CFAP221: variants seen among roughly 807,000 people sequenced by gnomAD.
The protein encoded by CFAP221 is cilia- and flagella-associated protein 221.
Under a neutral mutation model 113.1 loss-of-function variants are expected in CFAP221, and 97 were observed. That is an observed-to-expected ratio of 0.86 (90% CI 0.73 to 1.02). The LOEUF (loss-of-function observed/expected upper bound fraction) is 1.02. Among genes scored for constraint, CFAP221 ranks in the 50% least tolerant of loss-of-function variants. The pLI is 0.00. For missense variants in CFAP221, 1,025 were observed against 1,013.4 expected, an observed-to-expected ratio of 1.01 and a Z score of -0.16; for synonymous variants, 331 against 354.4, an observed-to-expected ratio of 0.93 and a Z score of 0.74.
chr2:119,586,495 G>A (rs994213625), intron 6 of CFAP221, among the ~76,000 whole-genome samples: 4 of 152,234 alleles, frequency 2.6e-5, no homozygotes, highest in Non-Finnish European at 5.9e-5. Context: ...TGGGGTGACA[G>A]ACCATTTCTG....
At chr2:119,607,647 C>T (rs576661550) in intron 11 of CFAP221, among the ~76,000 whole-genome samples, 8 of 152,276 alleles carry the variant, frequency 5.3e-5, no homozygotes, top group Non-Finnish European at 1.0e-4. Flanking sequence ...AAACCTCATA[C>T]CCATTATCAA....
intron 3 of CFAP221, among the ~76,000 whole-genome samples, chr2:119,554,089 G>A (rs34267172): frequency 1.3e-5 from 2 of 152,154 alleles, no homozygotes; most frequent in South Asian, 2.1e-4. Context: ...CTGTTTCCAC[G>A]GCAAAGTGAA....
intron 13 of CFAP221, among the ~76,000 whole-genome samples, chr2:119,614,434 G>A (rs1320421021): frequency 6.6e-6 from 1 of 152,186 alleles, no homozygotes; most frequent in Admixed American, 6.5e-5. Flanking sequence ...AAGGAAAGAG[G>A]TTTAATTGAC....
intron 14 of CFAP221, among the ~76,000 whole-genome samples, chr2:119,617,205 G>T (rs567546582): frequency 6.6e-6 from 1 of 152,308 alleles, no homozygotes; most frequent in African/African-American, 2.4e-5. Flanking sequence ...TGGCAGTCTA[G>T]GTAGAGGAAG....
chr2:119,584,991 C>T (rs2104610168), intron 6 of CFAP221, among the ~76,000 whole-genome samples: 1 of 152,272 alleles, frequency 6.6e-6, no homozygotes, highest in East Asian at 1.9e-4. Flanking sequence ...GCAGTAGGAT[C>T]TTCACTGCCA....
At chr2:119,577,100 A>G (rs1368839524) in intron 6 of CFAP221, among the ~76,000 whole-genome samples, 1 of 152,196 alleles carries the variant, frequency 6.6e-6, no homozygotes, top group Non-Finnish European at 1.5e-5. Flanking sequence ...CATTTCTCAC[A>G]TATCTAGACT....
intron 21 of CFAP221, among the ~76,000 whole-genome samples, chr2:119,643,152 T>C (rs1687599077): frequency 6.6e-6 from 1 of 152,206 alleles, no homozygotes; most frequent in South Asian, 2.1e-4. Flanking sequence ...AGCAACTTCC[T>C]ATAAATCCAT....
intron 21 of CFAP221, among the ~76,000 whole-genome samples, chr2:119,640,738 G>T (rs976723950): frequency 4.6e-5 from 7 of 152,160 alleles, no homozygotes; most frequent in Admixed American, 2.6e-4. Context: ...CCTGAGCTCT[G>T]CCACCAACCA....
intron 22 of CFAP221, among the ~76,000 whole-genome samples, chr2:119,649,745 C>T (rs1688012555): frequency 6.6e-6 from 1 of 152,130 alleles, no homozygotes; most frequent in Non-Finnish European, 1.5e-5. Context: ...ACTTTCTGTT[C>T]TGAGAGGAAC....
chr2:119,562,298 A>C (rs925763507), intron 6 of CFAP221, among the ~76,000 whole-genome samples, 184 bp downstream of exon 6: 2 of 151,720 alleles, frequency 1.3e-5, no homozygotes, highest in South Asian at 2.1e-4. Context: ...GCGTCAAAAG[A>C]TCATAAGCAA....
At chr2:119,659,175 G>T (rs373379043), downstream of CFAP221, among the ~76,000 whole-genome samples, 2 of 152,024 alleles carry the variant, frequency 1.3e-5, no homozygotes, top group African/African-American at 4.8e-5. Flanking sequence ...TGGTGTATCC[G>T]TAAAGTAACA....
At chr2:119,638,745 T>C (rs1300687896) in intron 20 of CFAP221, among the ~76,000 whole-genome samples, 2 of 152,054 alleles carry the variant, frequency 1.3e-5, no homozygotes, top group Admixed American at 6.5e-5. Flanking sequence ...TCTGACCTCC[T>C]CTCTCTTTGG....
intron 6 of CFAP221, among the ~76,000 whole-genome samples, chr2:119,585,681 A>G (rs987300087): frequency 6.6e-6 from 1 of 152,264 alleles, no homozygotes; most frequent in Non-Finnish European, 1.5e-5. Context: ...TGTTTTGGGC[A>G]TAATTTTAAA....
rs192235928 is a variant in CFAP221 at position 119,631,775 on chromosome 2, C to A, written c.1974+874C>A. Among the ~76,000 whole-genome samples the A allele has an allele frequency of 6.6e-5, 10 of 152,124 alleles. No homozygotes were observed. In the East Asian group the frequency reaches 1.9e-3, roughly 29 times the overall value. ...TGAATAAACCTGTAACCTAACTGAT[C>A]AGGAAAAAAGGCAAAAGGCACAAAT... On this transcript the variant is annotated intron_variant, in intron 19 of 23. Coordinates refer to ENST00000413369, the MANE Select transcript of CFAP221 (RefSeq NM_001271049.2).
intron 7 of CFAP221, among the ~76,000 whole-genome samples, chr2:119,596,709 G>A (rs1684007309): frequency 6.6e-6 from 1 of 152,254 alleles, no homozygotes; most frequent in Non-Finnish European, 1.5e-5. Context: ...GGGATTGTTA[G>A]CGTCTCAGTA....
intron 6 of CFAP221, among the ~76,000 whole-genome samples, chr2:119,584,506 C>T (rs1683069171): frequency 6.6e-6 from 1 of 151,812 alleles, no homozygotes; most frequent in Non-Finnish European, 1.5e-5. Flanking sequence ...AGGATCACTT[C>T]AGCCCAGAAC....
At chr2:119,630,954 T>C in intron 19 of CFAP221, 53 bp downstream of exon 19, 1 of 1,600,748 alleles carries the variant, frequency 6.2e-7, no homozygotes. Flanking sequence ...ATTTCAGCAA[T>C]TACTCTATAG....
At chr2:119,572,995 T>A (rs11676752) in intron 6 of CFAP221, 14,601 of 165,728 alleles carry the variant, frequency 0.088, 790 homozygotes, top group East Asian at 0.12. Flanking sequence ...TTATGGCTCC[T>A]TTTAGAAAGC....
Position 119,638,407 on chromosome 2 carries a change from T to A in CFAP221, c.2123T>A (p.Leu708His), listed in dbSNP as rs767037380. Reference protein sequence around the residue: ...SSIPVTQKQFLHHTDIIPGIM... With the variant: ...SSIPVTQKQFHHHTDIIPGIM... ...ATTCCTGTCACCCAAAAGCAGTTTC[T>A]CCATCACACGGTAATGTCATCACCA... Residue 708 changes from leucine (L) to histidine (H), a missense_variant, in exon 20 of 24, where the codon CTC becomes CAC. Leu to His is a moderately conservative substitution (Grantham distance 99). Coordinates refer to ENST00000413369, the MANE Select transcript of CFAP221 (RefSeq NM_001271049.2). 1 of 1,614,036 alleles carries A rather than the reference T, an allele frequency of 6.2e-7. No individual in the cohort carries two copies.
Sources: allele counts gnomAD v4.1 joint callset (sites outside exome capture counted in the v4.1 genomes callset), GRCh38; gene constraint gnomAD v4.1.1; transcripts MANE v1.5; gene names NCBI Gene and HGNC (gene_info 2026-07-23, HGNC 2026-07-21).